Variants in ALK observed in about 807,000 individuals in gnomAD.
ALK encodes ALK tyrosine kinase receptor.
Under a neutral mutation model 163.1 loss-of-function variants are expected in ALK, and 74 were observed. That is an observed-to-expected ratio of 0.45 (90% CI 0.38 to 0.55). The LOEUF is 0.55. Among genes scored for constraint, ALK ranks in the 20% least tolerant of loss-of-function variants. The pLI, the probability that ALK is intolerant of heterozygous loss-of-function variation, is 0.00. For synonymous variants in ALK, 960 were observed against 843.2 expected (o/e 1.14, Z -2.40); for missense variants, 2,063 against 2,105.3 (o/e 0.98, Z 0.39).
chr2:29,345,360 G>T (rs1667917421), intron 5 of ALK, among the ~76,000 whole-genome samples: 2 of 151,776 alleles, frequency 1.3e-5, no homozygotes, highest in Admixed American at 6.6e-5. Flanking sequence ...AGTGAGTTGT[G>T]ATCTCAGCAC....
intron 3 of ALK, among the ~76,000 whole-genome samples, chr2:29,567,887 C>T (rs191475084): frequency 2.0e-5 from 3 of 152,164 alleles, no homozygotes; most frequent in Non-Finnish European, 2.9e-5. Flanking sequence ...GCGTTAAATA[C>T]TAGGCTTGGG....
At position 29,804,147 on chromosome 2, in the gene ALK, C is replaced by T. The variant is rs140518993; in HGVS notation, c.668-86450G>A. ...TAAAAGCCTGCCTATCTGTGAAGCCCGCAGTTAGAACATTTTCAGAACAGT... is the reference window on the plus strand; with the variant it reads ...TAAAAGCCTGCCTATCTGTGAAGCCTGCAGTTAGAACATTTTCAGAACAGT... On this transcript the variant is annotated intron_variant, in intron 1 of 28. Coordinates refer to ENST00000389048, the MANE Select transcript of ALK (RefSeq NM_004304.5). Among the ~76,000 whole-genome samples the T allele has an allele frequency of 3.6e-3, 549 of 152,304 alleles. 4 individuals carry two copies. The highest frequency in any genetic ancestry group is 0.012 in the African/African-American group (491 of 41,558).
At position 29,399,826 on chromosome 2, in the gene ALK, G is replaced by C. The variant is rs1368233420; in HGVS notation, c.1155-15967C>G. Among the ~76,000 whole-genome samples the C allele has an allele frequency of 2.6e-5, 4 of 152,196 alleles. No individual in the cohort carries two copies. The East Asian group carries it at 5.8e-4, about 22-fold the overall frequency. On this transcript the variant is annotated intron_variant, in intron 4 of 28. Coordinates refer to ENST00000389048, the MANE Select transcript of ALK (RefSeq NM_004304.5). ...CTTGCATTTTCACATGGGTGAAAAT[G>C]AACATTGGTTCTTGTGGTACTGGGA...
intron 5 of ALK, among the ~76,000 whole-genome samples, chr2:29,335,640 G>A (rs1014920836): frequency 1.3e-5 from 2 of 152,182 alleles, no homozygotes; most frequent in African/African-American, 2.4e-5. Flanking sequence ...TGTCTTCTAG[G>A]AGAGGCTCCC....
chr2:29,228,279 G>A (rs1242973207), intron 16 of ALK, among the ~76,000 whole-genome samples: 1 of 152,190 alleles, frequency 6.6e-6, no homozygotes, highest in East Asian at 1.9e-4. Context: ...GCATGCATTC[G>A]TCCTAATCTG....
intron 5 of ALK, among the ~76,000 whole-genome samples, chr2:29,375,032 C>T (rs1668721932): frequency 6.6e-6 from 1 of 152,180 alleles, no homozygotes; most frequent in Non-Finnish European, 1.5e-5. Context: ...TGGCTCTCAT[C>T]ACCCTCTTGG....
At chr2:29,593,098 G>T (rs1283134848) in intron 3 of ALK, among the ~76,000 whole-genome samples, 1 of 152,214 alleles carries the variant, frequency 6.6e-6, no homozygotes, top group Non-Finnish European at 1.5e-5. Flanking sequence ...GGACAGAGGG[G>T]TATGGACTGG....
chr2:29,914,077 C>T (rs971959672), intron 1 of ALK, among the ~76,000 whole-genome samples: 1 of 152,080 alleles, frequency 6.6e-6, no homozygotes, highest in African/African-American at 2.4e-5. Context: ...TGGTTTCCTT[C>T]TGTAGGAAAA....
At chr2:29,757,801 T>G (rs1209023797) in intron 1 of ALK, among the ~76,000 whole-genome samples, 1 of 152,272 alleles carries the variant, frequency 6.6e-6, no homozygotes, top group East Asian at 1.9e-4. Flanking sequence ...TGGTTTTGGT[T>G]GCTGTTGTTT....
intron 6 of ALK, among the ~76,000 whole-genome samples, chr2:29,326,087 G>C (rs540832550): frequency 9.1e-4 from 139 of 152,306 alleles, no homozygotes; most frequent in African/African-American, 3.3e-3. Context: ...CAGTGGGGGT[G>C]TTCTCCAGGG....
chr2:29,913,256 GGGAAA>G (rs1360986231), intron 1 of ALK, among the ~76,000 whole-genome samples: 5 of 152,114 alleles, frequency 3.3e-5, no homozygotes, highest in Non-Finnish European at 7.4e-5. Flanking sequence ...GAATTTCCCT[GGGAAA>G]GGACCCAAGC....
chr2:29,329,443 C>T lies in ALK; in HGVS notation c.1283-962G>A, dbSNP rs1047830278. 3.3e-5 allele frequency among the ~76,000 whole-genome samples: 5 copies of T among 152,186 alleles called. No individual in the cohort carries two copies. In the East Asian group the frequency reaches 9.6e-4, roughly 29 times the overall value. On this transcript the variant is annotated intron_variant, in intron 5 of 28. Transcript: ENST00000389048. ...GATGTCAGATGGGGAGACTCTGGCCCCTGTGGAGATGAGCAGGTAGGGCTC... is the reference window on the plus strand; with the variant it reads ...GATGTCAGATGGGGAGACTCTGGCCTCTGTGGAGATGAGCAGGTAGGGCTC...
intron 3 of ALK, among the ~76,000 whole-genome samples, chr2:29,648,318 C>G (rs555336230): frequency 1.3e-4 from 20 of 152,234 alleles, no homozygotes; most frequent in Admixed American, 7.9e-4. Flanking sequence ...CATACACTTT[C>G]TTTTTTTAAA....
chr2:29,826,486 G>GTC (rs1284743298), intron 1 of ALK, among the ~76,000 whole-genome samples: 7 of 150,818 alleles, frequency 4.6e-5, no homozygotes, highest in Non-Finnish European at 7.4e-5. Flanking sequence ...GTCTTTACCA[G>GTC]TCTCTCTCTC....
rs529854950 is a variant in ALK at position 29,192,901 on chromosome 2, C to T, written c.*323G>A. 4.6e-6 allele frequency: 2 copies of T among 438,012 alleles called. No individual in the cohort carries two copies. Among genetic ancestry groups the T allele is most frequent in the South Asian group, 2.3e-5 (1 of 44,438 alleles). The allele number at this position is 438,012 out of a possible 1,614,324, so 27.1% of individuals were successfully genotyped here. On this transcript the variant is annotated 3_prime_UTR_variant, in exon 29 of 29. Transcript: ENST00000389048. The stretch of plus-strand genomic sequence containing the variant: ...ACATAGAAGCAGCTAATTCTGACTA[C>T]ATTGAAGCAGAGCACACACAATTTG...
chr2:29,722,232 A>T lies in ALK; in HGVS notation c.668-4535T>A, dbSNP rs1573583624. On this transcript the variant is annotated intron_variant, in intron 1 of 28. Coordinates refer to ENST00000389048, the MANE Select transcript of ALK (RefSeq NM_004304.5). ...ACTTGCTTAGGAACTGTCATGGCTG[A>T]GTATTATATTTTATCCCACTGGTTC... Among the ~76,000 whole-genome samples, 5 of 152,236 alleles carry T rather than the reference A, an allele frequency of 3.3e-5. No individual in the cohort carries two copies. The South Asian group carries it at 1.0e-3, about 32-fold the overall frequency.
chr2:29,747,815 TG>T (rs1343016875), intron 1 of ALK, among the ~76,000 whole-genome samples: 4 of 152,208 alleles, frequency 2.6e-5, no homozygotes, highest in African/African-American at 9.7e-5. Flanking sequence ...GTTCCTTTGA[TG>T]GAAGTCTAGA....
intron 1 of ALK, among the ~76,000 whole-genome samples, chr2:29,847,838 G>A (rs1665885105): frequency 6.6e-6 from 1 of 151,842 alleles, no homozygotes; most frequent in Non-Finnish European, 1.5e-5. Context: ...CGTAGGAAGA[G>A]GACAAGAAGG....
intron 25 of ALK, chr2:29,208,074 C>T (rs1369583576): frequency 4.5e-6 from 2 of 439,764 alleles, no homozygotes; most frequent in Admixed American, 5.1e-5. Flanking sequence ...ATAAATAGGT[C>T]AGTCTCTCTC....
Sources: gnomAD v4.1 joint callset for allele counts (sites outside exome capture counted in the v4.1 genomes callset) on GRCh38, gnomAD v4.1.1 for gene constraint, MANE v1.5 for transcripts, NCBI Gene and HGNC (gene_info 2026-07-23, HGNC 2026-07-21) for gene names.